Variants in MYO18B observed in about 807,000 individuals in gnomAD.
The protein encoded by MYO18B is unconventional myosin-XVIIIb.
Under a neutral mutation model 273.0 loss-of-function variants are expected in MYO18B, and 204 were observed. That is an observed-to-expected ratio of 0.75 (90% CI 0.67 to 0.84). The LOEUF (loss-of-function observed/expected upper bound fraction) is 0.84. MYO18B is among the 40% of genes least tolerant of loss of function. The probability of loss-of-function intolerance (pLI) is 0.00; values close to 1 mark genes in which losing one functional copy is unlikely to be tolerated. For missense variants in MYO18B, 3,212 were observed against 3,287.6 expected (o/e 0.98, Z 0.56); for synonymous variants, 1,330 against 1,305.7 (o/e 1.02, Z -0.40).
intron 33 of MYO18B, among the ~76,000 whole-genome samples, chr22:25,916,423 A>G (rs759752936): frequency 5.3e-5 from 8 of 152,020 alleles, no homozygotes; most frequent in Non-Finnish European, 1.0e-4. Context: ...CTCACCTTCA[A>G]TATTTTTTAT....
intron 23 of MYO18B, 31 bp downstream of exon 23, chr22:25,874,445 A>T: frequency 6.2e-7 from 1 of 1,600,282 alleles, no homozygotes; most frequent in Non-Finnish European, 8.5e-7. Context: ...GAGGAGTCTG[A>T]TCCAACGGGT....
rs1173857507 is a variant in MYO18B, at chr22:25,955,164, C to G, written c.5971-15C>G. The G allele has an allele frequency of 6.3e-7, 1 of 1,584,406 alleles. No homozygotes were observed. Among genetic ancestry groups the G allele is most frequent in the African/African-American group, 1.3e-5 (1 of 74,540 alleles). On this transcript the variant is annotated splice_polypyrimidine_tract_variant and intron_variant, in intron 38 of 43. Transcript: ENST00000335473. ...CTCCAACTCCAAGGTGGGCATGTGT[C>G]TCTGCCCCTCCCAGGTCCTGGTGAT... is the stretch of plus-strand genomic sequence containing the variant.
At chr22:25,764,303 C>G (rs908613994) in intron 3 of MYO18B, among the ~76,000 whole-genome samples, 5 of 152,178 alleles carry the variant, frequency 3.3e-5, no homozygotes, top group African/African-American at 1.2e-4. Context: ...AGCCATGGAA[C>G]CTGGGCAGGA....
chr22:25,862,372 A>T (rs1048872150), intron 21 of MYO18B, among the ~76,000 whole-genome samples: 1 of 152,184 alleles, frequency 6.6e-6, no homozygotes, highest in Non-Finnish European at 1.5e-5. Flanking sequence ...AAGGAAAAAA[A>T]TGAAGATTTT....
chr22:25,892,861 A>G (rs2091698619), intron 27 of MYO18B, among the ~76,000 whole-genome samples: 1 of 152,158 alleles, frequency 6.6e-6, no homozygotes, highest in Non-Finnish European at 1.5e-5. Context: ...GGTAATTTCT[A>G]TAAAATCCCC....
At position 25,765,611 on chromosome 22, in the gene MYO18B, T is replaced by C. The variant is rs1050679818; in HGVS notation, c.198+2222T>C. Among the ~76,000 whole-genome samples, 4 of 152,310 alleles carry C rather than the reference T, an allele frequency of 2.6e-5. No homozygotes were observed. In the South Asian group the frequency reaches 6.2e-4, roughly 24 times the overall value. ...ACCCCTTCCCCTTTCTTGGCCTCAG[T>C]TTACTCATCTGTAAAAATGTGCTAT... On this transcript the variant is annotated intron_variant, in intron 3 of 43. Transcript: ENST00000335473.
intron 30 of MYO18B, 47 bp from the exon 31 acceptor site, chr22:25,903,584 A>G: frequency 6.5e-7 from 1 of 1,544,492 alleles, no homozygotes; most frequent in East Asian, 2.4e-5. Context: ...GGGAGGAGGG[A>G]GGCATACTCA....
chr22:25,777,505 C>A, intron 7 of MYO18B, 78 bp from the exon 8 acceptor site: 1 of 1,376,360 alleles, frequency 7.3e-7, no homozygotes, highest in Non-Finnish European at 9.6e-7. Flanking sequence ...GACCCTAGGC[C>A]TGGGGCGGGG....
At chr22:25,873,174 T>G (rs1601421861) in intron 22 of MYO18B, among the ~76,000 whole-genome samples, 2 of 152,328 alleles carry the variant, frequency 1.3e-5, no homozygotes, top group East Asian at 1.9e-4. Context: ...CCTGGGGTCC[T>G]AGCTTCCCTC....
In MYO18B at chr22:25,791,244, G is replaced by A. The variant is rs373208049; in HGVS notation, c.2376+5753G>A. On this transcript the variant is annotated intron_variant, in intron 11 of 43. Coordinates refer to ENST00000335473, the MANE Select transcript of MYO18B (RefSeq NM_032608.7). The stretch of plus-strand genomic sequence containing the variant: ...GGCATATCAGGGAGAGCTGCCTGGC[G>A]GAGGCAACCATGAGCTGGAGCTGGA... Among the ~76,000 whole-genome samples, 211 of 152,296 alleles carry A rather than the reference G, an allele frequency of 1.4e-3. 9 individuals carry two copies. The South Asian group carries it at 0.043, about 31-fold the overall frequency.
At chr22:25,784,833 A>G (rs1390433784) in intron 10 of MYO18B, among the ~76,000 whole-genome samples, 1 of 152,152 alleles carries the variant, frequency 6.6e-6, no homozygotes, top group African/African-American at 2.4e-5. Context: ...CACGGGAAGG[A>G]GCCTTAAACA....
Position 26,027,424 on chromosome 22 carries a change from T to C in MYO18B, c.7450T>C (p.Phe2484Leu). 1 of 1,613,858 alleles carries C rather than the reference T, an allele frequency of 6.2e-7. No individual in the cohort carries two copies. Reference protein sequence around the residue: ...HFETEEANRSFLSGIKTILKK... With the variant: ...HFETEEANRSLLSGIKTILKK... ...TGAAACGGAAGAGGCTAACCGTTCCTTTCTCTCGGGGATCAAGACCATTTT... is the reference window on the plus strand; with the variant it reads ...TGAAACGGAAGAGGCTAACCGTTCCCTTCTCTCGGGGATCAAGACCATTTT... Residue 2484 changes from phenylalanine to leucine, a missense_variant, in exon 43 of 44, where the codon TTT becomes CTT. Phe to Leu is a conservative substitution (Grantham distance 22). Transcript: ENST00000335473. The surrounding 1 kb of genome is among the most constrained non-coding windows in gnomAD (Gnocchi z 4.1).
intron 28 of MYO18B, 68 bp downstream of exon 28, chr22:25,895,348 G>A (rs2091773731): frequency 1.4e-5 from 21 of 1,526,776 alleles, no homozygotes; most frequent in Non-Finnish European, 1.9e-5. Flanking sequence ...CTCCACTGTG[G>A]GTGATCGAGG....
intron 25 of MYO18B, among the ~76,000 whole-genome samples, chr22:25,879,540 C>T (rs371625367): frequency 1.6e-4 from 25 of 152,232 alleles, no homozygotes; most frequent in South Asian, 1.0e-3. Flanking sequence ...TATGCCTTCT[C>T]TCTTTGATTT....
chr22:25,914,236 G>T (rs897150912), intron 33 of MYO18B, among the ~76,000 whole-genome samples: 1 of 151,890 alleles, frequency 6.6e-6, no homozygotes, highest in African/African-American at 2.4e-5. Flanking sequence ...AAAATTGCCT[G>T]TTTTATTGAC....
chr22:25,773,931 A>C (rs1377766907), intron 7 of MYO18B, among the ~76,000 whole-genome samples: 1 of 152,174 alleles, frequency 6.6e-6, no homozygotes, highest in Non-Finnish European at 1.5e-5. Context: ...CAGTGGAGGC[A>C]GGGAGGCCTG....
Position 26,030,539 on chromosome 22 carries a change from T to G in MYO18B, c.*109T>G, listed in dbSNP as rs1479806948. ...CCCCGGTGGCCAGAGCCAGCCAGCA[T>G]GGCCACCCTCAAGAGGCGAGATGAG... is the stretch of plus-strand genomic sequence containing the variant. On this transcript the variant is annotated 3_prime_UTR_variant, in exon 44 of 44. Coordinates refer to ENST00000335473, the MANE Select transcript of MYO18B (RefSeq NM_032608.7). The G allele has an allele frequency of 2.2e-5, 4 of 178,570 alleles. No homozygotes were observed. The highest frequency in any genetic ancestry group is 9.4e-5 in the African/African-American group (4 of 42,590). 11.1% of individuals were successfully genotyped at this position (178,570 alleles called of 1,614,324 possible).
At chr22:25,857,925 T>C (rs1055468214) in intron 21 of MYO18B, among the ~76,000 whole-genome samples, 1 of 152,260 alleles carries the variant, frequency 6.6e-6, no homozygotes, top group Admixed American at 6.5e-5. Flanking sequence ...AGTGATGGGA[T>C]TACAAGTGTG....
chr22:25,912,909 G>A (rs965809363), intron 33 of MYO18B, among the ~76,000 whole-genome samples: 4 of 152,118 alleles, frequency 2.6e-5, no homozygotes, highest in Non-Finnish European at 5.9e-5. Flanking sequence ...TCTATGTTAT[G>A]TTTTTGAGAT....
Sources: allele counts gnomAD v4.1 joint callset (sites outside exome capture counted in the v4.1 genomes callset), GRCh38; gene constraint gnomAD v4.1.1; non-coding constraint Gnocchi (gnomAD v3.1); transcripts MANE v1.5; gene names NCBI Gene and HGNC (gene_info 2026-07-23, HGNC 2026-07-21).